Variants in DHX58 observed in about 807,000 individuals in gnomAD.
DHX58 encodes ATP-dependent RNA helicase DHX58.
In DHX58, 51 loss-of-function variants were observed where a neutral mutation model predicts 65.0. The ratio of observed to expected loss-of-function variants is 0.78; its 90% CI spans 0.63 to 0.99. DHX58 has a LOEUF of 0.99. Among genes scored for constraint, DHX58 ranks in the 50% least tolerant of loss-of-function variants. DHX58 has a pLI of 0.00. For synonymous variants in DHX58, 350 were observed against 365.0 expected (o/e 0.96, Z 0.47); for missense variants, 773 against 891.8 (o/e 0.87, Z 1.70).
chr17:42,111,525 G>C (rs1555664279), intron 3 of DHX58, 28 bp from the exon 4 acceptor site: 1 of 1,611,270 alleles, frequency 6.2e-7, no homozygotes, highest in African/African-American at 1.3e-5. Flanking sequence ...GCTGGGAAAA[G>C]AGAGCTGAAT....
chr17:42,105,055 C>G lies in DHX58; in HGVS notation c.1364G>C (p.Arg455Pro). The G allele has an allele frequency of 6.2e-7, 1 of 1,613,710 alleles. No homozygotes were observed. The highest frequency in any genetic ancestry group is 8.5e-7 in the Non-Finnish European group (1 of 1,179,946). The part of the protein sequence containing the change: ...LDIPHCNVVV[R>P]YGLLTNEISM... Reference sequence around the variant, plus strand: ...GATTTCATTGGTCAAGAGCCCATAACGCACCACCACATTGCAATGTGGGAT... The same window carrying G: ...GATTTCATTGGTCAAGAGCCCATAAGGCACCACCACATTGCAATGTGGGAT... Residue 455 changes from arginine (R) to proline (P), a missense_variant, in exon 10 of 14, where the codon CGT becomes CCT. By Grantham distance (103) the Arg-to-Pro change is moderately radical (BLOSUM62 -2). Transcript: ENST00000251642.
At chr17:42,109,940 C>A (rs1466770013) in intron 5 of DHX58, among the ~76,000 whole-genome samples, 2 of 150,818 alleles carry the variant, frequency 1.3e-5, no homozygotes, top group Admixed American at 6.6e-5. Flanking sequence ...GTAATCCCAG[C>A]ACTATGGGAG....
chr17:42,105,651 C>T, intron 9 of DHX58, 85 bp downstream of exon 9: 1 of 1,485,130 alleles, frequency 6.7e-7, no homozygotes, highest in Non-Finnish European at 8.9e-7. Context: ...CCTGCCCCCA[C>T]CTCTCTGTGC....
At chr17:42,107,548 G>A (rs1555662962) in intron 8 of DHX58, 56 bp downstream of exon 8, 1 of 1,477,348 alleles carries the variant, frequency 6.8e-7, no homozygotes, top group East Asian at 2.5e-5. Context: ...CCTGGCCTCT[G>A]ACCTCGCATC....
In DHX58 at chr17:42,107,972, C is replaced by G. The variant is rs781800937; in HGVS notation, c.805+10G>C. ...ATCCTCGCCTCCGCCAGAAGGGCTG[C>G]CCCTCTCACCAGCCTCACTCAGCTT... On this transcript the variant is annotated intron_variant, in intron 7 of 13. Coordinates refer to ENST00000251642, the MANE Select transcript of DHX58 (RefSeq NM_024119.3). 33 of 1,613,964 alleles carry G rather than the reference C, an allele frequency of 2.0e-5. No homozygotes were observed. Among genetic ancestry groups the G allele is most frequent in the Non-Finnish European group, 1.1e-5 (13 of 1,180,024 alleles).
Position 42,107,599 on chromosome 17 carries a change from C to G in DHX58, c.997+5G>C. 2 of 1,584,662 alleles carry G rather than the reference C, an allele frequency of 1.3e-6. No individual in the cohort carries two copies. Among genetic ancestry groups the G allele is most frequent in the Non-Finnish European group, 1.7e-6 (2 of 1,162,272 alleles). ...CCGGCCCCGAAGCCCCCTCCCGCCC[C>G]TCACCATCGAACAGGGCCAGCAGCC... On this transcript the variant is annotated splice_donor_5th_base_variant and intron_variant, in intron 8 of 13. Transcript: ENST00000251642.
At position 42,105,019 on chromosome 17, in the gene DHX58, T is replaced by C. The variant is rs1555662310; in HGVS notation, c.1400A>G (p.Gln467Arg). 1.2e-6 allele frequency: 2 copies of C among 1,613,008 alleles called. No homozygotes were observed. The highest frequency in any genetic ancestry group is 1.7e-5 in the Admixed American group (1 of 59,976). Residue 467 changes from glutamine to arginine, a missense_variant and splice_region_variant, in exon 10 of 14, where the codon CAG (glutamine) becomes CGG (arginine). Physicochemically the swap from Gln to Arg is conservative, Grantham distance 43. Transcript: ENST00000251642. ...GLLTNEISMVQARGRARADQS... is the reference protein window; with the variant it reads ...GLLTNEISMVRARGRARADQS... ...CTGAGTGGAGGAGGATGTGAGTACC[T>C]GGACCATGGAGATTTCATTGGTCAA...
At chr17:42,102,107 G>A (rs2053988148) in intron 13 of DHX58, 109 bp downstream of exon 13, 3 of 1,444,858 alleles carry the variant, frequency 2.1e-6, no homozygotes, top group Non-Finnish European at 2.9e-6. Flanking sequence ...TCTTCAGACT[G>A]GAGGCCATGG....
chr17:42,104,518 TAA>T (rs781815340), intron 11 of DHX58, among the ~76,000 whole-genome samples: 63 of 152,074 alleles, frequency 4.1e-4, no homozygotes, highest in Admixed American at 9.2e-4. Flanking sequence ...TCCAGATACA[TAA>T]AGTATCTCAT....
At chr17:42,105,714 C>T in intron 9 of DHX58, 22 bp downstream of exon 9, 1 of 1,532,102 alleles carries the variant, frequency 6.5e-7, no homozygotes, top group Non-Finnish European at 8.8e-7. Context: ...CCAGCGCCAG[C>T]ATCTTTCCCC....
intron 4 of DHX58, 105 bp downstream of exon 4, chr17:42,111,191 A>T (rs1555664069): frequency 2.6e-5 from 37 of 1,414,456 alleles, no homozygotes; most frequent in Non-Finnish European, 3.6e-5. Flanking sequence ...GCAACCCCTC[A>T]CTCCCACTAA....
chr17:42,105,047 G>A lies in DHX58; in HGVS notation c.1372C>T (p.Leu458Phe). Residue 458 changes from leucine (L) to phenylalanine (F), a missense_variant, in exon 10 of 14, where the codon CTC becomes TTC. By Grantham distance (22) the Leu-to-Phe change is conservative (BLOSUM62 0). Transcript: ENST00000251642. ...ACCATGGAGATTTCATTGGTCAAGA[G>A]CCCATAACGCACCACCACATTGCAA... ...PHCNVVVRYG[L>F]LTNEISMVQA... The A allele has an allele frequency of 6.2e-7, 1 of 1,613,664 alleles. No homozygotes were observed. Among genetic ancestry groups the A allele is most frequent in the Non-Finnish European group, 8.5e-7 (1 of 1,179,980 alleles).
At chr17:42,109,765 C>T (rs1017266608) in intron 5 of DHX58, among the ~76,000 whole-genome samples, 5 of 151,670 alleles carry the variant, frequency 3.3e-5, no homozygotes, top group Non-Finnish European at 5.9e-5. Flanking sequence ...CATGGTGGCA[C>T]GCGCCTGTAG....
Position 42,104,750 on chromosome 17 carries a change from C to T in DHX58, c.1563+16G>A. The T allele has an allele frequency of 6.2e-7, 1 of 1,612,796 alleles. No homozygotes were observed. Among genetic ancestry groups the T allele is most frequent in the Admixed American group, 1.7e-5 (1 of 59,990 alleles). On this transcript the variant is annotated intron_variant, in intron 11 of 13. Coordinates refer to ENST00000251642, the MANE Select transcript of DHX58 (RefSeq NM_024119.3). ...CTCCCCATCCCTCCCACAGGGCATGCAGGCTGCCTGCAGACCTTGGCCTGG... is the reference window on the plus strand; with the variant it reads ...CTCCCCATCCCTCCCACAGGGCATGTAGGCTGCCTGCAGACCTTGGCCTGG...
chr17:42,102,086 CTGGA>C, intron 13 of DHX58, 126 bp downstream of exon 13: 2 of 1,426,352 alleles, frequency 1.4e-6, no homozygotes, highest in Non-Finnish European at 1.9e-6. Flanking sequence ...TAGGGAGGGG[CTGGA>C]CCTCCCTCTT....
chr17:42,109,412 G>A, intron 5 of DHX58, 26 bp from the exon 6 acceptor site: 4 of 1,593,864 alleles, frequency 2.5e-6, no homozygotes, highest in Middle Eastern at 1.7e-4. Context: ...GACTTTACTG[G>A]AAAGGGAGGG....
In DHX58 at chr17:42,105,999, A is replaced by C. The variant is rs1323067230; in HGVS notation, c.998-10T>G. The C allele has an allele frequency of 2.5e-6, 4 of 1,606,754 alleles. No homozygotes were observed. Among genetic ancestry groups the C allele is most frequent in the East Asian group, 2.2e-5 (1 of 44,784 alleles). ...AGCTCATTCTTGCGGTCTGTCAAAA[A>C]CCCCAAAATTTAGCTGGGTGTAGTG... On this transcript the variant is annotated splice_polypyrimidine_tract_variant and intron_variant, in intron 8 of 13. Transcript: ENST00000251642.
chr17:42,104,560 G>A (rs2054024939), intron 11 of DHX58, among the ~76,000 whole-genome samples: 1 of 152,196 alleles, frequency 6.6e-6, no homozygotes, highest in Non-Finnish European at 1.5e-5. Flanking sequence ...CCTTGGACAA[G>A]GCCTGTTCCC....
chr17:42,107,484 G>C, intron 8 of DHX58, 120 bp downstream of exon 8: 1 of 1,159,682 alleles, frequency 8.6e-7, no homozygotes, highest in Non-Finnish European at 1.2e-6. Flanking sequence ...AGAAAAATAG[G>C]ATCTCCACCA....
Sources: gnomAD v4.1 joint callset for allele counts (sites outside exome capture counted in the v4.1 genomes callset) on GRCh38, gnomAD v4.1.1 for gene constraint, MANE v1.5 for transcripts, NCBI Gene and HGNC (gene_info 2026-07-23, HGNC 2026-07-21) for gene names.